The following GPC5 variants were observed in gnomAD, a reference collection of about 807,000 sequenced individuals.
GPC5 encodes the protein glypican-5.
A neutral mutation model predicts 53.9 loss-of-function variants in GPC5; 47 were observed. That is an observed-to-expected ratio of 0.87 (90% CI 0.69 to 1.11). The LOEUF (loss-of-function observed/expected upper bound fraction) is 1.11. Ranked by LOEUF, GPC5 falls within the 50% of genes most tolerant of loss-of-function variation. GPC5 has a pLI of 0.00. For synonymous variants in GPC5, 286 were observed against 263.3 expected, an observed-to-expected ratio of 1.09 and a Z score of -0.84; for missense variants, 748 against 713.1, an observed-to-expected ratio of 1.05 and a Z score of -0.56.
At chr13:92,253,632 G>A (rs964128336) in intron 7 of GPC5, among the ~76,000 whole-genome samples, 1 of 151,992 alleles carries the variant, frequency 6.6e-6, no homozygotes, top group Admixed American at 6.6e-5. Flanking sequence ...TGAGGTATAG[G>A]TTGTTGTGAG....
At chr13:91,666,300 A>G (rs558165161) in intron 2 of GPC5, among the ~76,000 whole-genome samples, 64 of 152,330 alleles carry the variant, frequency 4.2e-4, no homozygotes, top group African/African-American at 1.5e-3. Flanking sequence ...TAGAACTCCA[A>G]CTTCAATACA....
chr13:92,362,704 G>C (rs1336481151), intron 7 of GPC5, among the ~76,000 whole-genome samples: 1 of 151,780 alleles, frequency 6.6e-6, no homozygotes, highest in East Asian at 1.9e-4. Context: ...GCAAGTCTTA[G>C]AAGGTCTTGA....
intron 7 of GPC5, among the ~76,000 whole-genome samples, chr13:92,516,910 A>G (rs1186394221): frequency 2.0e-5 from 3 of 152,144 alleles, no homozygotes; most frequent in African/African-American, 4.8e-5. Context: ...ACAAGGGGTC[A>G]GGGAATTCCC....
intron 7 of GPC5, among the ~76,000 whole-genome samples, chr13:92,542,121 T>G (rs1881950687): frequency 2.0e-5 from 3 of 152,024 alleles, no homozygotes; most frequent in African/African-American, 7.2e-5. Context: ...ATACCATGTG[T>G]AATGATCAAA....
intron 6 of GPC5, among the ~76,000 whole-genome samples, chr13:92,005,720 A>G (rs1053092567): frequency 2.0e-5 from 3 of 152,218 alleles, no homozygotes; most frequent in African/African-American, 7.2e-5. Context: ...CCCTGCACCC[A>G]GGACAGTTCC....
Position 91,753,112 on chromosome 13 carries a change from G to A in GPC5, c.1155-3183G>A, listed in dbSNP as rs147972684. ...AGCCACTGCTCTATGATTTATGGCT[G>A]TGAACAAAACAAGCAAACAACAAAA... is the stretch of plus-strand genomic sequence containing the variant. On this transcript the variant is annotated intron_variant, in intron 4 of 7. Coordinates refer to ENST00000377067, the MANE Select transcript of GPC5 (RefSeq NM_004466.6). 5.4e-3 allele frequency among the ~76,000 whole-genome samples: 827 copies of A among 152,268 alleles called. 2 individuals carry two copies. Among genetic ancestry groups the A allele is most frequent in the Middle Eastern group, 0.014 (4 of 294 alleles).
intron 7 of GPC5, among the ~76,000 whole-genome samples, chr13:92,714,857 G>A (rs1888271978): frequency 1.3e-5 from 2 of 152,120 alleles, no homozygotes; most frequent in South Asian, 2.1e-4. Context: ...CACGAGTTCA[G>A]GAGTTCAAGA....
chr13:91,843,189 CAT>C (rs1017898613), intron 5 of GPC5, among the ~76,000 whole-genome samples: 3 of 152,072 alleles, frequency 2.0e-5, no homozygotes, highest in African/African-American at 7.2e-5. Flanking sequence ...TAATGATCCT[CAT>C]GTTTCTAAGT....
intron 6 of GPC5, among the ~76,000 whole-genome samples, chr13:92,131,146 C>A (rs1193723699): frequency 5.9e-5 from 9 of 151,814 alleles, no homozygotes; most frequent in African/African-American, 2.2e-4. Flanking sequence ...CCACTATATA[C>A]CCACTAAATA....
chr13:91,571,797 A>G (rs376365427), intron 2 of GPC5, among the ~76,000 whole-genome samples: 59 of 93,238 alleles, frequency 6.3e-4, no homozygotes, highest in South Asian at 2.4e-3. Flanking sequence ...ACGTGTGTGT[A>G]TATATACACA....
intron 6 of GPC5, among the ~76,000 whole-genome samples, chr13:92,069,124 A>C (rs2041189819): frequency 6.6e-6 from 1 of 152,054 alleles, no homozygotes; most frequent in Non-Finnish European, 1.5e-5. Context: ...TAAGACTACT[A>C]TTTCCCTATT....
chr13:91,692,910 C>T (rs2035787304), intron 2 of GPC5, among the ~76,000 whole-genome samples: 1 of 152,214 alleles, frequency 6.6e-6, no homozygotes, highest in South Asian at 2.1e-4. Flanking sequence ...TCCCAAAGTG[C>T]TGGAATTACA....
At chr13:92,333,351 G>C (rs1454492861) in intron 7 of GPC5, among the ~76,000 whole-genome samples, 1 of 152,130 alleles carries the variant, frequency 6.6e-6, no homozygotes, top group Non-Finnish European at 1.5e-5. Flanking sequence ...TCTTTAACCA[G>C]AGCTTATCCT....
intron 1 of GPC5, among the ~76,000 whole-genome samples, chr13:91,415,848 A>C (rs756927088): frequency 6.6e-6 from 1 of 152,162 alleles, no homozygotes; most frequent in African/African-American, 2.4e-5. Flanking sequence ...CTCTCCAAGA[A>C]GGTGATATCA....
intron 7 of GPC5, among the ~76,000 whole-genome samples, chr13:92,585,132 A>T (rs916643151): frequency 6.6e-6 from 1 of 152,064 alleles, no homozygotes; most frequent in Non-Finnish European, 1.5e-5. Context: ...CTATGAGAAG[A>T]GGGCCACTAT....
At chr13:91,445,759 G>A (rs1880758784) in intron 1 of GPC5, among the ~76,000 whole-genome samples, 1 of 152,198 alleles carries the variant, frequency 6.6e-6, no homozygotes, top group Non-Finnish European at 1.5e-5. Flanking sequence ...ACAGGCATGA[G>A]CCACCATGCC....
At chr13:92,616,778 A>G (rs552637993) in intron 7 of GPC5, among the ~76,000 whole-genome samples, 3 of 152,332 alleles carry the variant, frequency 2.0e-5, no homozygotes, top group African/African-American at 7.2e-5. Context: ...AACTTCATGT[A>G]TGAAATAATA....
intron 7 of GPC5, among the ~76,000 whole-genome samples, chr13:92,819,485 C>A (rs1034073810): frequency 4.6e-5 from 7 of 152,154 alleles, no homozygotes; most frequent in Non-Finnish European, 1.0e-4. Context: ...AACTGTAATT[C>A]CCTCATTAAT....
At chr13:92,773,307 T>C (rs1202819481) in intron 7 of GPC5, among the ~76,000 whole-genome samples, 1 of 152,222 alleles carries the variant, frequency 6.6e-6, no homozygotes, top group Non-Finnish European at 1.5e-5. Context: ...GGTGCTACTC[T>C]AGAAGCTCCT....
Sources: allele counts gnomAD v4.1 joint callset (sites outside exome capture counted in the v4.1 genomes callset), GRCh38; gene constraint gnomAD v4.1.1; transcripts MANE v1.5; gene names NCBI Gene and HGNC (gene_info 2026-07-23, HGNC 2026-07-21).